Variants in PLEKHG1 observed in about 807,000 individuals in gnomAD.
The protein encoded by PLEKHG1 is pleckstrin homology domain-containing family G member 1.
A neutral mutation model predicts 100.8 loss-of-function variants in PLEKHG1; 44 were observed. The ratio of observed to expected loss-of-function variants is 0.44; its 90% CI spans 0.34 to 0.56. The LOEUF is 0.56. PLEKHG1 is among the 20% of genes least tolerant of loss of function. The pLI is 0.01. For synonymous variants in PLEKHG1, 640 were observed against 662.5 expected, an observed-to-expected ratio of 0.97 and a Z score of 0.52; for missense variants, 1,545 against 1,720.9, an observed-to-expected ratio of 0.90 and a Z score of 1.81.
intron 3 of PLEKHG1, among the ~76,000 whole-genome samples, chr6:150,703,369 G>A (rs1780877619): frequency 6.6e-6 from 1 of 152,156 alleles, no homozygotes; most frequent in African/African-American, 2.4e-5. Flanking sequence ...GGGAGACTGA[G>A]GCAGGCAGAT....
intron 1 of PLEKHG1, among the ~76,000 whole-genome samples, chr6:150,724,967 A>G (rs547092003): frequency 1.3e-5 from 2 of 152,126 alleles, no homozygotes; most frequent in South Asian, 2.1e-4. Context: ...CTTAATCCCT[A>G]CTCAACTGAG....
rs796124707 is a variant in PLEKHG1 at position 150,749,067 on chromosome 6, A to G, written c.411+14975A>G. 1.1e-4 allele frequency among the ~76,000 whole-genome samples: 16 copies of G among 152,282 alleles called. No individual in the cohort carries two copies. In the East Asian group the frequency reaches 2.3e-3, roughly 22 times the overall value. ...TTAGCACCGACCTGGCATAACATAAACACTCAACAGCTGATAGCTGCTCAC... is the reference window on the plus strand; with the variant it reads ...TTAGCACCGACCTGGCATAACATAAGCACTCAACAGCTGATAGCTGCTCAC... On this transcript the variant is annotated intron_variant, in intron 2 of 15. Coordinates refer to ENST00000358517, the Ensembl canonical transcript of PLEKHG1.
At chr6:150,798,495 TCATTTGTGCAAGGA>T (rs1457561892) in intron 5 of PLEKHG1, among the ~76,000 whole-genome samples, 1 of 152,152 alleles carries the variant, frequency 6.6e-6, no homozygotes, top group Non-Finnish European at 1.5e-5. Flanking sequence ...GAGAGGCAAA[TCATTTGTGCAAGGA>T]CATTTTTAAG....
intron 1 of PLEKHG1, among the ~76,000 whole-genome samples, chr6:150,619,606 G>A (rs1207879720): frequency 6.6e-6 from 1 of 152,212 alleles, no homozygotes; most frequent in Non-Finnish European, 1.5e-5. Flanking sequence ...ATGATGAAGG[G>A]CATAGAAGGC....
intron 3 of PLEKHG1, among the ~76,000 whole-genome samples, chr6:150,654,402 A>G (rs1778878810): frequency 6.6e-6 from 1 of 152,090 alleles, no homozygotes; most frequent in Non-Finnish European, 1.5e-5. Context: ...TGGCCCTACT[A>G]TGCGGCAGCG....
intron 1 of PLEKHG1, among the ~76,000 whole-genome samples, chr6:150,619,687 G>A (rs1409369284): frequency 6.6e-6 from 1 of 152,034 alleles, no homozygotes; most frequent in Non-Finnish European, 1.5e-5. Flanking sequence ...GAAGTACAGG[G>A]GTAAAGAAAA....
At chr6:150,613,875 C>T (rs1317838894) in intron 1 of PLEKHG1, among the ~76,000 whole-genome samples, 1 of 152,208 alleles carries the variant, frequency 6.6e-6, no homozygotes, top group Non-Finnish European at 1.5e-5. Flanking sequence ...TCTAGGTCTG[C>T]GTTTTTTCTC....
chr6:150,633,497 C>T (rs1417700694), intron 1 of PLEKHG1, among the ~76,000 whole-genome samples: 19 of 152,072 alleles, frequency 1.2e-4, no homozygotes, highest in Admixed American at 1.2e-3. Flanking sequence ...TTAGCTGGGG[C>T]AGGGTTAGCC....
chr6:150,644,455 C>A (rs1778408970), intron 2 of PLEKHG1, among the ~76,000 whole-genome samples: 1 of 150,620 alleles, frequency 6.6e-6, no homozygotes. Flanking sequence ...CTGCCTCAGC[C>A]TCCTGAGTAT....
At chr6:150,699,894 CTGGCAATTATCCA>C (rs111521643) in intron 3 of PLEKHG1, among the ~76,000 whole-genome samples, 5,088 of 152,234 alleles carry the variant, frequency 0.033, 262 homozygotes, top group African/African-American at 0.12. Flanking sequence ...AGGATAAAGA[CTGGCAATTATCCA>C]TGGCCCCTGC....
intron 3 of PLEKHG1, among the ~76,000 whole-genome samples, chr6:150,776,983 C>T (rs915756274): frequency 6.6e-6 from 1 of 151,952 alleles, no homozygotes; most frequent in Non-Finnish European, 1.5e-5. Flanking sequence ...GCACATCAGC[C>T]ACACTGAGGC....
chr6:150,627,425 G>A (rs1245718542), intron 1 of PLEKHG1, among the ~76,000 whole-genome samples: 2 of 151,850 alleles, frequency 1.3e-5, no homozygotes, highest in Admixed American at 6.6e-5. Context: ...CACTCAGAAG[G>A]GTGGACATTT....
At chr6:150,725,973 A>G (rs1781945149) in intron 1 of PLEKHG1, among the ~76,000 whole-genome samples, 1 of 152,194 alleles carries the variant, frequency 6.6e-6, no homozygotes, top group African/African-American at 2.4e-5. Context: ...GACAAGATGG[A>G]TGAACCTGGA....
rs73780097 is a variant in PLEKHG1 at position 150,733,598 on chromosome 6, C to T, written c.-84C>T. On this transcript the variant is annotated 5_prime_UTR_variant, in exon 2 of 16. Transcript: ENST00000358517. ...AATGCATATAGATGGGCACCAGTTG[C>T]GTCTTGAAGTGCCATCAGCTGTAAC... The T allele has an allele frequency of 7.1e-4, 1,151 of 1,610,712 alleles. 11 individuals are homozygous for T. The African/African-American group carries it at 0.013, about 19-fold the overall frequency.
intron 14 of PLEKHG1, chr6:150,828,338 G>A (rs1426697942): frequency 2.4e-5 from 38 of 1,611,420 alleles, no homozygotes; most frequent in Non-Finnish European, 3.1e-5. Context: ...TCCTCAGTGC[G>A]GCGCTCTGTC....
chr6:150,653,214 GA>G (rs1014172890), intron 3 of PLEKHG1, among the ~76,000 whole-genome samples: 9 of 151,436 alleles, frequency 5.9e-5, no homozygotes, highest in African/African-American at 1.5e-4. Flanking sequence ...AAAAACAGAA[GA>G]AAAAAAATGA....
chr6:150,816,326 CTTTTTTTTTTTTT>C (rs1173343082), intron 10 of PLEKHG1, among the ~76,000 whole-genome samples: 8 of 41,108 alleles, frequency 1.9e-4, no homozygotes, highest in South Asian at 1.7e-3. Context: ...CTCAAACATA[CTTTTTTTTTTTTT>C]TTTTTTTTTT....
intron 1 of PLEKHG1, among the ~76,000 whole-genome samples, chr6:150,626,951 GTA>G (rs1207155980): frequency 6.6e-6 from 1 of 152,194 alleles, no homozygotes; most frequent in Non-Finnish European, 1.5e-5. Context: ...TGAAAGAATA[GTA>G]GCAACTAAAC....
At chr6:150,842,819 T>TTC (rs1429378363) in exon 16 of PLEKHG1, 6 of 152,194 alleles carry the variant, frequency 3.9e-5, no homozygotes, top group African/African-American at 1.4e-4. Context: ...GTTCCAGCGA[T>TTC]TCTCCTGCCT....
Sources: gnomAD v4.1 joint callset for allele counts (sites outside exome capture counted in the v4.1 genomes callset) on GRCh38, gnomAD v4.1.1 for gene constraint, MANE v1.5 for transcripts, NCBI Gene and HGNC (gene_info 2026-07-23, HGNC 2026-07-21) for gene names.